The following KSR2 variants were observed in gnomAD, a reference collection of about 807,000 sequenced individuals.
KSR2 encodes the protein kinase suppressor of ras 2.
KSR2 carries 25 observed loss-of-function variants against 107.8 expected under a neutral mutation model. That is an observed-to-expected ratio of 0.23 (90% CI 0.17 to 0.32). The LOEUF (loss-of-function observed/expected upper bound fraction) is 0.32. Ranked by LOEUF, KSR2 falls within the 10% of genes least tolerant of loss-of-function variation. The pLI is 1.00. For synonymous variants in KSR2, 480 were observed against 507.0 expected (o/e 0.95, Z 0.71); for missense variants, 887 against 1,268.9 (o/e 0.70, Z 4.57).
intron 5 of KSR2, among the ~76,000 whole-genome samples, chr12:117,624,267 T>G (rs1882348366): frequency 6.6e-6 from 1 of 152,256 alleles, no homozygotes; most frequent in African/African-American, 2.4e-5. Flanking sequence ...TTGTTGCCAT[T>G]GCTTTTGGTG....
At chr12:117,866,824 A>G (rs1259771103) in intron 1 of KSR2, among the ~76,000 whole-genome samples, 1 of 136,084 alleles carries the variant, frequency 7.3e-6, no homozygotes, top group Non-Finnish European at 1.5e-5. Context: ...AGCAATACTC[A>G]GTCTCAAAAA....
At chr12:117,805,799 T>C (rs1417989809) in intron 3 of KSR2, among the ~76,000 whole-genome samples, 1 of 152,118 alleles carries the variant, frequency 6.6e-6, no homozygotes, top group Non-Finnish European at 1.5e-5. Flanking sequence ...CTGGCCAACA[T>C]GGCGAAACCC....
intron 16 of KSR2, among the ~76,000 whole-genome samples, chr12:117,478,143 G>A (rs749595039): frequency 2.0e-5 from 3 of 152,320 alleles, no homozygotes; most frequent in Non-Finnish European, 2.9e-5. Flanking sequence ...ACAGCCTCCA[G>A]CATGAAGGTC....
rs371678268 is a variant in KSR2, at chr12:117,582,342, G to A, written c.1189C>T (p.Arg397Cys). 2.5e-5 allele frequency: 40 copies of A among 1,613,588 alleles called. No homozygotes were observed. The African/African-American group carries it at 2.9e-4, about 12-fold the overall frequency. ...CTGCGAGGGATCTGCGGGGACCAGC[G>A]TGGCACTGACAGTGTGTCTACAGAG... ...NFSANTLSVP[R>C]WSPQIPRRDL... The change falls in exon 6 of 20, where the codon CGC becomes TGC. Residue 397 changes from arginine (R) to cysteine (C), a missense_variant. Physicochemically the swap from Arg to Cys is radical, Grantham distance 180. Transcript: ENST00000339824.
chr12:117,880,822 C>A (rs1894003105), intron 1 of KSR2, among the ~76,000 whole-genome samples: 1 of 151,492 alleles, frequency 6.6e-6, no homozygotes, highest in African/African-American at 2.4e-5. Flanking sequence ...TGCACACCAC[C>A]ACACCCAGCT....
At chr12:117,649,731 T>C (rs1883804699) in intron 5 of KSR2, among the ~76,000 whole-genome samples, 1 of 151,828 alleles carries the variant, frequency 6.6e-6, no homozygotes, top group African/African-American at 2.4e-5. Flanking sequence ...CATGATTAAC[T>C]CTCCCTAGAA....
chr12:117,714,866 T>C (rs1335972007), intron 4 of KSR2, among the ~76,000 whole-genome samples: 1 of 152,190 alleles, frequency 6.6e-6, no homozygotes, highest in African/African-American at 2.4e-5. Flanking sequence ...CGAAAAATTA[T>C]GCAGCCCCAA....
chr12:117,467,924 T>TTG (rs1236816581), intron 19 of KSR2: 5 of 126,482 alleles, frequency 4.0e-5, no homozygotes, highest in East Asian at 2.3e-4. Context: ...CCTGTGTTTT[T>TTG]TTTTTTTTTT....
At position 117,901,608 on chromosome 12, in the gene KSR2, G is replaced by A. The variant is rs1894686047; in HGVS notation, c.181-41177C>T. Among the ~76,000 whole-genome samples, 5 of 151,836 alleles carry A rather than the reference G, an allele frequency of 3.3e-5. No individual in the cohort carries two copies. The South Asian group carries it at 1.0e-3, about 32-fold the overall frequency. On this transcript the variant is annotated intron_variant, in intron 1 of 19. Transcript: ENST00000339824. ...ATGAGCCACTGTGCCTAGCCTTAAT[G>A]GAATACTTTTAAAAATTAAAACGCA...
chr12:117,705,659 CTTG>C (rs1406337197), intron 4 of KSR2, among the ~76,000 whole-genome samples: 1 of 152,200 alleles, frequency 6.6e-6, no homozygotes, highest in African/African-American at 2.4e-5. Context: ...AGAAACCAGG[CTTG>C]TAGCTAAGTG....
chr12:117,849,445 T>C (rs1325788909), intron 3 of KSR2, among the ~76,000 whole-genome samples: 1 of 152,192 alleles, frequency 6.6e-6, no homozygotes, highest in Non-Finnish European at 1.5e-5. Flanking sequence ...TTTCAGGACA[T>C]AGCTGCCACG....
chr12:117,666,308 G>A (rs1884657378), intron 5 of KSR2, among the ~76,000 whole-genome samples: 1 of 152,070 alleles, frequency 6.6e-6, no homozygotes, highest in Non-Finnish European at 1.5e-5. Context: ...TTTTTTTCCA[G>A]GCACAGAATT....
intron 3 of KSR2, among the ~76,000 whole-genome samples, chr12:117,787,447 A>G (rs1215973188): frequency 6.6e-6 from 1 of 152,148 alleles, no homozygotes; most frequent in Non-Finnish European, 1.5e-5. Flanking sequence ...GGCCTGGCCA[A>G]GATGGTGAAA....
Position 117,661,827 on chromosome 12 carries a change from A to C in KSR2, c.1171+5647T>G, listed in dbSNP as rs1373065946. Among the ~76,000 whole-genome samples, 3 of 152,236 alleles carry C rather than the reference A, an allele frequency of 2.0e-5. No homozygotes were observed. The East Asian group carries it at 5.8e-4, about 29-fold the overall frequency. The stretch of plus-strand genomic sequence containing the variant: ...GGTTTAAATTGTGGTTGTGATCACC[A>C]AAATAACTAGGCAGAAGGAGTTAAG... On this transcript the variant is annotated intron_variant, in intron 5 of 19. Coordinates refer to ENST00000339824, the MANE Select transcript of KSR2 (RefSeq NM_173598.6).
chr12:117,772,441 A>G (rs550546422), intron 3 of KSR2, among the ~76,000 whole-genome samples: 5 of 146,564 alleles, frequency 3.4e-5, no homozygotes, highest in South Asian at 2.3e-4. Context: ...CCAAAGATGC[A>G]CACACACTCA....
At chr12:117,933,051 A>C (rs926053126) in intron 1 of KSR2, among the ~76,000 whole-genome samples, 3 of 151,972 alleles carry the variant, frequency 2.0e-5, no homozygotes, top group Non-Finnish European at 4.4e-5. Context: ...GATCATGCAC[A>C]CCCAATCAGA....
chr12:117,621,721 A>C (rs1021332371), intron 5 of KSR2, among the ~76,000 whole-genome samples: 2 of 152,204 alleles, frequency 1.3e-5, no homozygotes, highest in African/African-American at 4.8e-5. Flanking sequence ...ATATCATTGG[A>C]AGAAACTAAG....
At chr12:117,680,004 T>C (rs1475182837) in intron 4 of KSR2, among the ~76,000 whole-genome samples, 2 of 152,234 alleles carry the variant, frequency 1.3e-5, no homozygotes, top group Non-Finnish European at 2.9e-5. Flanking sequence ...ATCTGACTCT[T>C]TGTGGAACAA....
At chr12:117,949,101 TA>T (rs1896283465) in intron 1 of KSR2, among the ~76,000 whole-genome samples, 1 of 151,142 alleles carries the variant, frequency 6.6e-6, no homozygotes, top group Non-Finnish European at 1.5e-5. Context: ...TCTCAAAAAA[TA>T]AATAAATCAA....
Sources: allele counts gnomAD v4.1 joint callset (sites outside exome capture counted in the v4.1 genomes callset), GRCh38; gene constraint gnomAD v4.1.1; transcripts MANE v1.5; gene names NCBI Gene and HGNC (gene_info 2026-07-23, HGNC 2026-07-21).